USH2A: variants seen among roughly 807,000 people sequenced by gnomAD.
USH2A encodes usherin.
In USH2A, 443 loss-of-function variants were observed where a neutral mutation model predicts 538.9. The observed-to-expected ratio is 0.82, with a 90% CI of 0.76 to 0.89. USH2A has a LOEUF of 0.89. Among genes scored for constraint, USH2A ranks in the 40% least tolerant of loss-of-function variants. The probability of loss-of-function intolerance (pLI) is 0.00; values close to 1 mark genes in which losing one functional copy is unlikely to be tolerated. For synonymous variants in USH2A, 2,413 were observed against 2,273.5 expected (o/e 1.06, Z -1.75); for missense variants, 6,633 against 6,324.8 (o/e 1.05, Z -1.65).
intron 47 of USH2A, among the ~76,000 whole-genome samples, chr1:215,834,117 A>G (rs1472226227): frequency 6.6e-6 from 1 of 152,182 alleles, no homozygotes; most frequent in Non-Finnish European, 1.5e-5. Context: ...CAATGCTAGT[A>G]GGAATGAAAG....
At chr1:216,285,037 C>T (rs188837332) in intron 11 of USH2A, among the ~76,000 whole-genome samples, 29 of 152,304 alleles carry the variant, frequency 1.9e-4, no homozygotes, top group African/African-American at 7.0e-4. Context: ...GAAAAATTTG[C>T]AGGCTGACAA....
At chr1:216,179,629 T>TA (rs991479357) in intron 20 of USH2A, among the ~76,000 whole-genome samples, 8 of 152,150 alleles carry the variant, frequency 5.3e-5, no homozygotes, top group African/African-American at 1.9e-4. Flanking sequence ...AGAGTTCTTC[T>TA]AAGGCTGGAA....
At chr1:215,730,050 C>T (rs1249318510) in intron 60 of USH2A, among the ~76,000 whole-genome samples, 4 of 152,116 alleles carry the variant, frequency 2.6e-5, no homozygotes, top group Non-Finnish European at 5.9e-5. Flanking sequence ...TTAGGCTCAT[C>T]TTTAGATTTT....
intron 21 of USH2A, among the ~76,000 whole-genome samples, chr1:216,142,428 G>GA (rs2033620016): frequency 6.6e-6 from 1 of 152,126 alleles, no homozygotes; most frequent in Non-Finnish European, 1.5e-5. Context: ...CTCCACAATA[G>GA]AAATCATATT....
chr1:216,410,591 T>C (rs1463514744), intron 3 of USH2A, among the ~76,000 whole-genome samples: 1 of 152,068 alleles, frequency 6.6e-6, no homozygotes, highest in Admixed American at 6.6e-5. Context: ...TCAGAATATT[T>C]TTTAAAGTTT....
chr1:216,022,883 A>G (rs1469832946), intron 32 of USH2A, among the ~76,000 whole-genome samples: 1 of 152,146 alleles, frequency 6.6e-6, no homozygotes, highest in East Asian at 1.9e-4. Context: ...ATGGAAGAAT[A>G]GCAGTGCTCC....
chr1:215,797,225 G>A (rs1173400017), intron 50 of USH2A, among the ~76,000 whole-genome samples: 2 of 152,166 alleles, frequency 1.3e-5, no homozygotes, highest in African/African-American at 2.4e-5. Context: ...ATAGATGAAA[G>A]CTAACAGAAG....
intron 5 of USH2A, 99 bp downstream of exon 5, chr1:216,327,492 A>T: frequency 7.0e-7 from 1 of 1,418,938 alleles, no homozygotes; most frequent in Non-Finnish European, 9.9e-7. Flanking sequence ...CAAATGGTAT[A>T]AAGATAAAAA....
At chr1:216,176,477 C>T (rs2034384333) in intron 20 of USH2A, among the ~76,000 whole-genome samples, 1 of 152,232 alleles carries the variant, frequency 6.6e-6, no homozygotes, top group Non-Finnish European at 1.5e-5. Context: ...TATCTCCCCA[C>T]CCATGCACAG....
chr1:216,064,425 G>A (rs1170519724), intron 30 of USH2A, among the ~76,000 whole-genome samples: 1 of 151,590 alleles, frequency 6.6e-6, no homozygotes, highest in Non-Finnish European at 1.5e-5. Flanking sequence ...GGAAACTGGA[G>A]TACCCAGAGA....
At chr1:216,325,115 T>C (rs1417738624) in intron 6 of USH2A, among the ~76,000 whole-genome samples, 190 bp downstream of exon 6, 1 of 152,144 alleles carries the variant, frequency 6.6e-6, no homozygotes, top group Non-Finnish European at 1.5e-5. Flanking sequence ...CACCAGGAGC[T>C]GCAAATGGCA....
intron 61 of USH2A, among the ~76,000 whole-genome samples, chr1:215,696,822 C>A (rs556126881): frequency 6.6e-6 from 1 of 152,280 alleles, no homozygotes; most frequent in East Asian, 1.9e-4. Context: ...TATGATGGAG[C>A]CACTGCACTC....
At chr1:215,990,558 T>G (rs573044962) in intron 35 of USH2A, among the ~76,000 whole-genome samples, 1 of 152,214 alleles carries the variant, frequency 6.6e-6, no homozygotes, top group East Asian at 1.9e-4. Context: ...GCAAATAACT[T>G]TAAGCACAGG....
chr1:216,397,716 T>C (rs1181252317), intron 3 of USH2A, among the ~76,000 whole-genome samples: 2 of 152,234 alleles, frequency 1.3e-5, no homozygotes, highest in African/African-American at 2.4e-5. Flanking sequence ...TTCTCAGGCT[T>C]TCAGCCTTAG....
chr1:215,851,064 T>C (rs1664003515), intron 44 of USH2A, among the ~76,000 whole-genome samples: 1 of 152,168 alleles, frequency 6.6e-6, no homozygotes, highest in Admixed American at 6.5e-5. Flanking sequence ...GGAAAGTTCA[T>C]AGTCTTAAAT....
intron 4 of USH2A, among the ~76,000 whole-genome samples, chr1:216,342,278 A>C (rs972914220): frequency 6.6e-6 from 1 of 152,344 alleles, no homozygotes; most frequent in African/African-American, 2.4e-5. Flanking sequence ...AATGCAAATC[A>C]AAACCATGAG....
At chr1:215,804,634 A>C (rs911163312) in intron 49 of USH2A, among the ~76,000 whole-genome samples, 6 of 149,526 alleles carry the variant, frequency 4.0e-5, no homozygotes, top group Non-Finnish European at 7.4e-5. Context: ...TCAGGAAACA[A>C]CAGGTGCTGG....
chr1:216,001,065 T>C (rs1352715413), intron 32 of USH2A, among the ~76,000 whole-genome samples: 1 of 152,176 alleles, frequency 6.6e-6, no homozygotes, highest in Non-Finnish European at 1.5e-5. Flanking sequence ...GCAGTGCAGA[T>C]GCCTGTTTCT....
intron 11 of USH2A, among the ~76,000 whole-genome samples, chr1:216,265,046 A>C (rs2102572040): frequency 6.6e-6 from 1 of 152,262 alleles, no homozygotes; most frequent in South Asian, 2.1e-4. Flanking sequence ...CTTTCGCAGC[A>C]AAAGAAACTA....
Sources: allele counts gnomAD v4.1 joint callset (sites outside exome capture counted in the v4.1 genomes callset), GRCh38; gene constraint gnomAD v4.1.1; transcripts MANE v1.5; gene names NCBI Gene and HGNC (gene_info 2026-07-23, HGNC 2026-07-21).